SNRNP200: variants seen among roughly 807,000 people sequenced by gnomAD.
The protein encoded by SNRNP200 is small nuclear ribonucleoprotein U5 subunit 200.
Under a neutral mutation model 255.2 loss-of-function variants are expected in SNRNP200, and 66 were observed. The observed-to-expected ratio is 0.26, with a 90% CI of 0.21 to 0.32. The LOEUF is 0.32. SNRNP200 is among the 10% of genes least tolerant of loss of function. SNRNP200 has a pLI of 1.00. For missense variants in SNRNP200, 1,585 were observed against 2,749.8 expected (o/e 0.58, Z 9.47); for synonymous variants, 939 against 1,027.8 (o/e 0.91, Z 1.65).
intron 21 of SNRNP200, among the ~76,000 whole-genome samples, 198 bp downstream of exon 21, chr2:96,289,601 A>C (rs1267865811): frequency 6.6e-6 from 1 of 152,176 alleles, no homozygotes; most frequent in African/African-American, 2.4e-5. Context: ...GCTGACCCAT[A>C]GTGAAATGAT....
chr2:96,300,598 C>T (rs1312383706), intron 5 of SNRNP200, among the ~76,000 whole-genome samples: 1 of 152,022 alleles, frequency 6.6e-6, no homozygotes, highest in Non-Finnish European at 1.5e-5. Context: ...CCCGTCTCCA[C>T]TAAAAATATA....
chr2:96,289,330 G>C lies in SNRNP200; in HGVS notation c.2990C>G (p.Thr997Arg). 4.3e-6 allele frequency: 7 copies of C among 1,614,120 alleles called. No homozygotes were observed. The highest frequency in any genetic ancestry group is 5.9e-6 in the Non-Finnish European group (7 of 1,179,962). The change falls in exon 22 of 45, where the codon ACA (threonine) becomes AGA (arginine). Residue 997 changes from threonine to arginine, a missense_variant. Coordinates refer to ENST00000323853, the MANE Select transcript of SNRNP200 (RefSeq NM_014014.5). Reference protein sequence around the residue: ...IASHYYITNDTVQTYNQLLKP... With the variant: ...IASHYYITNDRVQTYNQLLKP... ...CAGCAGCTGGTTGTAAGTCTGCACT[G>C]TATCATTGGTGATGTAGTAGTGGCT... is the stretch of plus-strand genomic sequence containing the variant.
chr2:96,291,319 G>T lies in SNRNP200; in HGVS notation c.2421+73C>A. 1 of 898,718 alleles carries T rather than the reference G, an allele frequency of 1.1e-6. No individual in the cohort carries two copies. The highest frequency in any genetic ancestry group is 1.9e-6 in the Non-Finnish European group (1 of 528,040). 55.7% of individuals were successfully genotyped at this position (898,718 alleles called of 1,614,324 possible). On this transcript the variant is annotated intron_variant, in intron 18 of 44. Coordinates refer to ENST00000323853, the MANE Select transcript of SNRNP200 (RefSeq NM_014014.5). The surrounding 1 kb of genome is among the most constrained non-coding windows in gnomAD (Gnocchi z 4.2). ...GCAATAAAGTACCAGGAGCAAACAT[G>T]GCACAAACTTGACATTGCCCATCTT...
intron 35 of SNRNP200, among the ~76,000 whole-genome samples, chr2:96,280,635 C>T (rs932401834): frequency 1.3e-5 from 2 of 151,424 alleles, no homozygotes; most frequent in Non-Finnish European, 1.5e-5. Context: ...CTGCAACCTC[C>T]GCCTCCTGGG....
At chr2:96,305,270 G>T in intron 1 of SNRNP200, 123 bp downstream of exon 1, 2 of 1,284,574 alleles carry the variant, frequency 1.6e-6, no homozygotes, top group South Asian at 1.2e-5. Context: ...CCTTCACCCC[G>T]ATTCCATTTC....
Position 96,299,347 on chromosome 2 carries a change from G to C in SNRNP200, c.711C>G (p.Arg237=). 1 of 1,614,084 alleles carries C rather than the reference G, an allele frequency of 6.2e-7. No individual in the cohort carries two copies. The highest frequency in any genetic ancestry group is 8.5e-7 in the Non-Finnish European group (1 of 1,179,994). Residue 237 remains arginine (R), a synonymous_variant, in exon 6 of 45, where the codon CGC becomes CGG. Coordinates refer to ENST00000323853, the MANE Select transcript of SNRNP200 (RefSeq NM_014014.5). ...AACTTACATTAGCCGAGAGGGTGCA[G>C]CGCACGACAGCCTCGTCCCCTTCCA... ...DDMEGDEAVV[R]CTLSANLVAS... is the part of the protein sequence containing the mutation.
At chr2:96,296,319 C>T (rs992592342) in intron 13 of SNRNP200, among the ~76,000 whole-genome samples, 3 of 152,176 alleles carry the variant, frequency 2.0e-5, no homozygotes, top group African/African-American at 4.8e-5. Context: ...AAGATGCTAA[C>T]CCTTGTAAAA....
intron 30 of SNRNP200, 25 bp from the exon 31 acceptor site, chr2:96,284,610 A>T: frequency 6.6e-7 from 1 of 1,508,834 alleles, no homozygotes; most frequent in Non-Finnish European, 9.2e-7. Flanking sequence ...AGGGAGGCAG[A>T]ACAACACTAG....
Position 96,290,935 on chromosome 2 carries a change from G to T in SNRNP200, c.2422-120C>A. ...TCAGGACTAGCCGGTAGGGCGCGTG[G>T]GGTCCCAGTACTTGTCAATGTGACA... is the stretch of plus-strand genomic sequence containing the variant. On this transcript the variant is annotated intron_variant, in intron 18 of 44. Transcript: ENST00000323853. The surrounding 1 kb of genome is among the most constrained non-coding windows in gnomAD (Gnocchi z 4.5). 8.7e-7 allele frequency: 1 copy of T among 1,150,300 alleles called. No individual in the cohort carries two copies. Among genetic ancestry groups the T allele is most frequent in the Non-Finnish European group, 1.3e-6 (1 of 778,794 alleles). 71.3% of individuals were successfully genotyped at this position (1,150,300 alleles called of 1,614,324 possible).
rs573616084 is a variant in SNRNP200 at position 96,289,795 on chromosome 2, G to A, written c.2940+4C>T. Reference sequence around the variant, plus strand: ...CTTTGCCTCAAAACCCTCACCCCACGCACCTGGAAGTTGCCCGTCTTCTTG... The same window carrying A: ...CTTTGCCTCAAAACCCTCACCCCACACACCTGGAAGTTGCCCGTCTTCTTG... On this transcript the variant is annotated splice_donor_region_variant and intron_variant, in intron 21 of 44. Transcript: ENST00000323853. 5.1e-5 allele frequency: 83 copies of A among 1,613,706 alleles called. 1 individual carries two copies. The East Asian group carries it at 7.8e-4, about 15-fold the overall frequency.
chr2:96,298,186 T>G, intron 9 of SNRNP200, 98 bp downstream of exon 9: 2 of 1,561,718 alleles, frequency 1.3e-6, no homozygotes, highest in Non-Finnish European at 1.8e-6. Context: ...GAAATTACTT[T>G]TTCAACTTCC....
Position 96,278,172 on chromosome 2 carries a change from T to A in SNRNP200, c.5610+65A>T. 6.2e-7 allele frequency: 1 copy of A among 1,612,594 alleles called. No homozygotes were observed. On this transcript the variant is annotated intron_variant, in intron 39 of 44. Transcript: ENST00000323853. The surrounding 1 kb of genome is among the most constrained non-coding windows in gnomAD (Gnocchi z 6.9). ...GCGTGTTGGTGGCAGGGATGCCATG[T>A]GCTCTGGGCACACAGGCCGAGTTTG...
chr2:96,277,771 C>T lies in SNRNP200; in HGVS notation c.5754+36G>A. On this transcript the variant is annotated intron_variant, in intron 40 of 44. Coordinates refer to ENST00000323853, the MANE Select transcript of SNRNP200 (RefSeq NM_014014.5). The surrounding 1 kb of genome is among the most constrained non-coding windows in gnomAD (Gnocchi z 4.4). ...GGAGTTGGAGCTGAGATGTTTAGAG[C>T]ACCACTGACCCCTCTGCCCCACACC... 6.2e-7 allele frequency: 1 copy of T among 1,614,154 alleles called. No individual in the cohort carries two copies. Among genetic ancestry groups the T allele is most frequent in the Non-Finnish European group, 8.5e-7 (1 of 1,180,026 alleles).
intron 24 of SNRNP200, 44 bp downstream of exon 24, chr2:96,288,619 T>C (rs1478679960): frequency 6.5e-7 from 1 of 1,528,504 alleles, no homozygotes; most frequent in Admixed American, 1.7e-5. Flanking sequence ...GGGATTGAAC[T>C]GTTCAGGCCC....
At chr2:96,303,071 A>G (rs2063963034) in intron 3 of SNRNP200, 88 bp downstream of exon 3, 2 of 1,404,160 alleles carry the variant, frequency 1.4e-6, no homozygotes, top group East Asian at 2.3e-5. Flanking sequence ...AAAGATACTT[A>G]GCACTTCGAA....
In SNRNP200 at chr2:96,299,407, G is replaced by A. The variant is rs147219591; in HGVS notation, c.651C>T (p.Tyr217=). 82 of 1,613,788 alleles carry A rather than the reference G, an allele frequency of 5.1e-5. No individual in the cohort carries two copies. Among genetic ancestry groups the A allele is most frequent in the Middle Eastern group, 3.3e-4 (2 of 6,062 alleles). Residue 217 remains tyrosine, a synonymous_variant, in exon 6 of 45, where the codon TAC becomes TAT. Coordinates refer to ENST00000323853, the MANE Select transcript of SNRNP200 (RefSeq NM_014014.5). The stretch of plus-strand genomic sequence containing the variant: ...CAGATGCCTCTTCTCGAACCTCCCC[G>A]TATACGTCTTCATCACCTTCCTGTG... ...SDEEEGDEDV[Y]GEVREEASDD... is the part of the protein sequence containing the mutation.
Position 96,286,123 on chromosome 2 carries a change from AC to A in SNRNP200, c.4003+187del, listed in dbSNP as rs1433072872. Among the ~76,000 whole-genome samples the A allele has an allele frequency of 6.6e-6, 1 of 152,150 alleles. No individual in the cohort carries two copies. Among genetic ancestry groups the A allele is most frequent in the Non-Finnish European group, 1.5e-5 (1 of 68,016 alleles). On this transcript the variant is annotated intron_variant, in intron 29 of 44. Coordinates refer to ENST00000323853, the MANE Select transcript of SNRNP200 (RefSeq NM_014014.5). The surrounding 1 kb of genome is among the most constrained non-coding windows in gnomAD (Gnocchi z 4.8). ...TGCTCTATTGCCCCTCCACAGTGAC[AC>A]ATGCAGAGCAGCAAAGCAACCAAAG...
Position 96,290,833 on chromosome 2 carries a change from G to T in SNRNP200, c.2422-18C>A. The T allele has an allele frequency of 1.9e-6, 3 of 1,614,016 alleles. No homozygotes were observed. The highest frequency in any genetic ancestry group is 1.1e-5 in the South Asian group (1 of 91,034). ...ACTAAAACCTACAGAGGCAAAACAA[G>T]GTAATGAGGAGAACAGATGCCATCA... On this transcript the variant is annotated intron_variant, in intron 18 of 44. Coordinates refer to ENST00000323853, the MANE Select transcript of SNRNP200 (RefSeq NM_014014.5). The surrounding 1 kb of genome is among the most constrained non-coding windows in gnomAD (Gnocchi z 4.5).
At chr2:96,295,439 C>G in intron 14 of SNRNP200, 49 bp downstream of exon 14, 1 of 1,608,640 alleles carries the variant, frequency 6.2e-7, no homozygotes, top group Non-Finnish European at 8.5e-7. Context: ...CCCAGCAAAC[C>G]CGCCCTGACA....
Sources: gnomAD v4.1 joint callset for allele counts (sites outside exome capture counted in the v4.1 genomes callset) on GRCh38, gnomAD v4.1.1 for gene constraint, Gnocchi (gnomAD v3.1) non-coding constraint, MANE v1.5 for transcripts, NCBI Gene and HGNC (gene_info 2026-07-23, HGNC 2026-07-21) for gene names.